The following CACNA2D3 variants were observed in gnomAD, a reference collection of about 807,000 sequenced individuals.
CACNA2D3 encodes the protein calcium voltage-gated channel auxiliary subunit alpha2delta 3.
A neutral mutation model predicts 160.6 loss-of-function variants in CACNA2D3; 60 were observed. The observed-to-expected ratio is 0.37, with a 90% CI of 0.30 to 0.46. CACNA2D3 has a LOEUF of 0.46. Ranked by LOEUF, CACNA2D3 falls within the 20% of genes least tolerant of loss-of-function variation. The probability of loss-of-function intolerance (pLI) is 1.00; values close to 1 mark genes in which losing one functional copy is unlikely to be tolerated. For missense variants in CACNA2D3, 1,205 were observed against 1,365.0 expected (o/e 0.88, Z 1.85); for synonymous variants, 558 against 492.9 (o/e 1.13, Z -1.75).
At chr3:54,834,907 G>GT (rs1031533605) in intron 14 of CACNA2D3, among the ~76,000 whole-genome samples, 3 of 150,676 alleles carry the variant, frequency 2.0e-5, no homozygotes, top group African/African-American at 7.5e-5. Flanking sequence ...CTTCTTTTGA[G>GT]GGGGGCCTTG....
chr3:54,643,166 A>C (rs1175594693), intron 11 of CACNA2D3, among the ~76,000 whole-genome samples: 1 of 152,200 alleles, frequency 6.6e-6, no homozygotes, highest in Non-Finnish European at 1.5e-5. Flanking sequence ...CCAAGTCCTT[A>C]CTGCTTTATC....
At chr3:55,017,467 A>G (rs746071023) in intron 34 of CACNA2D3, among the ~76,000 whole-genome samples, 3 of 152,168 alleles carry the variant, frequency 2.0e-5, no homozygotes, top group Non-Finnish European at 4.4e-5. Context: ...CATTTACTTA[A>G]CACTCATTAT....
In CACNA2D3 at chr3:54,415,307, A is replaced by G. The variant is rs143926231; in HGVS notation, c.381+28533A>G. Among the ~76,000 whole-genome samples the G allele has an allele frequency of 6.6e-3, 1,005 of 152,278 alleles. 11 individuals carry two copies. Among genetic ancestry groups the G allele is most frequent in the African/African-American group, 0.023 (961 of 41,568 alleles). On this transcript the variant is annotated intron_variant, in intron 4 of 37. Coordinates refer to ENST00000474759, the MANE Select transcript of CACNA2D3 (RefSeq NM_018398.3). ...CTTGTGATCCAGGGATTTGCCAACT[A>G]CTGTTTAATTTTTAAATTAAACCTT...
At chr3:54,623,831 T>G (rs1699039897) in intron 9 of CACNA2D3, among the ~76,000 whole-genome samples, 1 of 152,210 alleles carries the variant, frequency 6.6e-6, no homozygotes, top group South Asian at 2.1e-4. Flanking sequence ...ATAATTACAT[T>G]TAAATGTAAA....
At chr3:54,794,551 T>G (rs1702828074) in intron 13 of CACNA2D3, among the ~76,000 whole-genome samples, 1 of 152,122 alleles carries the variant, frequency 6.6e-6, no homozygotes, top group Non-Finnish European at 1.5e-5. Flanking sequence ...CTGAAGAATT[T>G]CCTTTAATTT....
intron 2 of CACNA2D3, among the ~76,000 whole-genome samples, chr3:54,278,154 A>ACAACCCCATCAAAAAGTGGG (rs1559905656): frequency 1.3e-5 from 2 of 152,248 alleles, no homozygotes; most frequent in African/African-American, 4.8e-5. Context: ...CTAGAAAAAA[A>ACAACCCCATCAAAAAGTGGG]CAACCCCATC....
chr3:54,583,078 G>T (rs1270833254), intron 9 of CACNA2D3, among the ~76,000 whole-genome samples: 1 of 152,110 alleles, frequency 6.6e-6, no homozygotes, highest in Admixed American at 6.5e-5. Context: ...GTCTATAGCC[G>T]CATTTTTCTA....
At position 54,849,661 on chromosome 3, in the gene CACNA2D3, G is replaced by A. The variant is rs1158498471; in HGVS notation, c.1626+3194G>A. Among the ~76,000 whole-genome samples the A allele has an allele frequency of 4.6e-5, 7 of 152,174 alleles. No homozygotes were observed. The East Asian group carries it at 7.8e-4, about 17-fold the overall frequency. The stretch of plus-strand genomic sequence containing the variant: ...TCATTCAAACTCCATTTGTCTCCTC[G>A]CAAGCCCAGCCATATAATCGAATCC... On this transcript the variant is annotated intron_variant, in intron 17 of 37. Coordinates refer to ENST00000474759, the MANE Select transcript of CACNA2D3 (RefSeq NM_018398.3).
chr3:54,263,254 T>C (rs1180229521), intron 2 of CACNA2D3, among the ~76,000 whole-genome samples: 4 of 152,222 alleles, frequency 2.6e-5, no homozygotes, highest in Non-Finnish European at 4.4e-5. Flanking sequence ...ATAGTCCTAT[T>C]TGGAAGCTTG....
In CACNA2D3 at chr3:54,896,783, T is replaced by C. The variant is rs1007649221; in HGVS notation, c.2281T>C (p.Phe761Leu). The change falls in exon 26 of 38, where the codon TTT becomes CTT. Residue 761 changes from phenylalanine (F) to leucine (L), a missense_variant. Transcript: ENST00000474759. ...FLKAGDKENIFNADHFPLWYR... is the reference protein window; with the variant it reads ...FLKAGDKENILNADHFPLWYR... The stretch of plus-strand genomic sequence containing the variant: ...GAAAGCTGGCGACAAGGAGAACATT[T>C]TTAACGCAGACCATTTCCCTCTCTG... 1.2e-6 allele frequency: 2 copies of C among 1,613,904 alleles called. No individual in the cohort carries two copies. Among genetic ancestry groups the C allele is most frequent in the African/African-American group, 2.7e-5 (2 of 74,946 alleles).
At chr3:54,716,823 A>G (rs898551830) in intron 11 of CACNA2D3, among the ~76,000 whole-genome samples, 5 of 152,110 alleles carry the variant, frequency 3.3e-5, no homozygotes, top group African/African-American at 1.2e-4. Context: ...TGCCTTTCAC[A>G]TAGCATAATA....
At chr3:55,031,208 C>G (rs762408879) in intron 35 of CACNA2D3, among the ~76,000 whole-genome samples, 3 of 152,196 alleles carry the variant, frequency 2.0e-5, no homozygotes, top group Non-Finnish European at 4.4e-5. Flanking sequence ...TGTCTCCATC[C>G]TGGTGGTTGT....
intron 13 of CACNA2D3, chr3:54,789,879 G>A: frequency 1.9e-6 from 1 of 517,362 alleles, no homozygotes; most frequent in Admixed American, 1.9e-5. Flanking sequence ...AGCAAGTTAA[G>A]GTGACACAGG....
At chr3:54,605,129 C>G (rs1050999884) in intron 9 of CACNA2D3, among the ~76,000 whole-genome samples, 2 of 152,152 alleles carry the variant, frequency 1.3e-5, no homozygotes, top group African/African-American at 4.8e-5. Flanking sequence ...ACGTGGCATT[C>G]TGTGTGTCTA....
intron 11 of CACNA2D3, among the ~76,000 whole-genome samples, chr3:54,742,858 G>A (rs1401763824): frequency 6.6e-6 from 1 of 152,008 alleles, no homozygotes; most frequent in Non-Finnish European, 1.5e-5. Context: ...CCTTTTTTCT[G>A]GTCCCTGACT....
At chr3:54,895,291 C>T (rs1253287121) in intron 25 of CACNA2D3, among the ~76,000 whole-genome samples, 3 of 152,170 alleles carry the variant, frequency 2.0e-5, no homozygotes, top group Non-Finnish European at 4.4e-5. Context: ...ATTAAGCATA[C>T]ACCAAGCGCC....
At chr3:54,841,051 C>A (rs922607701) in intron 16 of CACNA2D3, among the ~76,000 whole-genome samples, 2 of 152,246 alleles carry the variant, frequency 1.3e-5, no homozygotes, top group African/African-American at 4.8e-5. Flanking sequence ...CCTCTGTAAC[C>A]ACAATGCTAC....
chr3:54,470,029 T>G (rs535825386), intron 4 of CACNA2D3, among the ~76,000 whole-genome samples: 24 of 152,106 alleles, frequency 1.6e-4, no homozygotes, highest in Non-Finnish European at 2.8e-4. Context: ...GCCGGAGAAT[T>G]TCCCCAATCT....
chr3:54,558,335 C>A (rs977762863), intron 5 of CACNA2D3, among the ~76,000 whole-genome samples: 5 of 152,176 alleles, frequency 3.3e-5, no homozygotes, highest in African/African-American at 4.8e-5. Context: ...CCATCAATGG[C>A]AGTGTGAGTG....
Sources: allele counts gnomAD v4.1 joint callset (sites outside exome capture counted in the v4.1 genomes callset), GRCh38; gene constraint gnomAD v4.1.1; transcripts MANE v1.5; gene names NCBI Gene and HGNC (gene_info 2026-07-23, HGNC 2026-07-21).